Variants in SORCS1 observed in about 807,000 individuals in gnomAD.
The protein encoded by SORCS1 is sortilin related VPS10 domain containing receptor 1.
In SORCS1, 60 loss-of-function variants were observed where a neutral mutation model predicts 146.1. The ratio of observed to expected loss-of-function variants is 0.41; its 90% confidence interval spans 0.33 to 0.51. The LOEUF is 0.51. Among genes scored for constraint, SORCS1 ranks in the 20% least tolerant of loss-of-function variants. The pLI, the probability that SORCS1 is intolerant of heterozygous loss-of-function variation, is 0.21. For synonymous variants in SORCS1, 637 were observed against 584.0 expected, an observed-to-expected ratio of 1.09 and a Z score of -1.31; for missense variants, 1,352 against 1,487.6, an observed-to-expected ratio of 0.91 and a Z score of 1.50.
At chr10:106,932,159 C>T (rs183237963) in intron 2 of SORCS1, among the ~76,000 whole-genome samples, 1 of 152,218 alleles carries the variant, frequency 6.6e-6, no homozygotes, top group Admixed American at 6.5e-5. Context: ...TTTTTATCCC[C>T]TTCCATACAC....
At chr10:107,107,587 A>C (rs1461089115) in intron 1 of SORCS1, among the ~76,000 whole-genome samples, 1 of 152,206 alleles carries the variant, frequency 6.6e-6, no homozygotes, top group African/African-American at 2.4e-5. Flanking sequence ...GTGGAATAAG[A>C]GCTCACCTAA....
Position 106,769,866 on chromosome 10 carries a change from G to A in SORCS1, c.885+6668C>T, listed in dbSNP as rs545739151. ...TCCCAGCACTTTCAGAGGCCGAGGC[G>A]GATCACTTGAGGCCAGGAGTTCGAG... On this transcript the variant is annotated intron_variant, in intron 4 of 25. Transcript: ENST00000263054. 8.5e-5 allele frequency among the ~76,000 whole-genome samples: 13 copies of A among 152,190 alleles called. No homozygotes were observed. In the East Asian group the frequency reaches 1.9e-3, roughly 23 times the overall value.
rs180959117 is a variant in SORCS1, at chr10:107,129,989, T to G, written c.558+33980A>C. On this transcript the variant is annotated intron_variant, in intron 1 of 25. Coordinates refer to ENST00000263054, the MANE Select transcript of SORCS1 (RefSeq NM_052918.5). ...TACAGAGGATCCACCTCATCTAACT[T>G]GAGCAGACTTGATAATGTCTTCAAT... Among the ~76,000 whole-genome samples the G allele has an allele frequency of 2.8e-3, 419 of 152,360 alleles. 4 individuals carry two copies. The highest frequency in any genetic ancestry group is 0.024 in the Admixed American group (371 of 15,310).
intron 22 of SORCS1, among the ~76,000 whole-genome samples, chr10:106,611,622 G>A (rs893456861): frequency 6.6e-6 from 1 of 152,164 alleles, no homozygotes; most frequent in African/African-American, 2.4e-5. Flanking sequence ...TGTGGACAAA[G>A]GAGTTTAGGA....
chr10:106,784,646 A>T (rs759026053), intron 3 of SORCS1, among the ~76,000 whole-genome samples: 12 of 152,212 alleles, frequency 7.9e-5, no homozygotes, highest in Non-Finnish European at 1.6e-4. Context: ...AAAAGGTTAC[A>T]TCATTTTAAA....
At chr10:106,723,252 A>G (rs968068979) in intron 6 of SORCS1, among the ~76,000 whole-genome samples, 4 of 152,228 alleles carry the variant, frequency 2.6e-5, no homozygotes, top group Non-Finnish European at 4.4e-5. Flanking sequence ...CTTTTCACAC[A>G]GCTTTCAATC....
chr10:106,731,309 A>G (rs563952550), intron 5 of SORCS1, among the ~76,000 whole-genome samples: 1 of 150,970 alleles, frequency 6.6e-6, no homozygotes, highest in Non-Finnish European at 1.5e-5. Flanking sequence ...AAAAAAAAAA[A>G]AAAAAAAAAA....
chr10:107,110,461 A>G (rs1965617823), intron 1 of SORCS1, among the ~76,000 whole-genome samples: 1 of 152,134 alleles, frequency 6.6e-6, no homozygotes, highest in South Asian at 2.1e-4. Flanking sequence ...AAGGGGGAAT[A>G]GGCATGTCAC....
intron 1 of SORCS1, among the ~76,000 whole-genome samples, chr10:107,062,371 A>C (rs999609353): frequency 1.1e-4 from 16 of 152,046 alleles, no homozygotes; most frequent in Non-Finnish European, 1.6e-4. Flanking sequence ...CAGAGGAATG[A>C]GGTGGATGAA....
At chr10:106,992,826 CTTTTTTTTTTT>C (rs36052970) in intron 1 of SORCS1, among the ~76,000 whole-genome samples, 2 of 57,086 alleles carry the variant, frequency 3.5e-5, no homozygotes, top group Non-Finnish European at 6.0e-5. Context: ...TTCTTTCTTT[CTTTTTTTTTTT>C]TTTTTTTTTT....
At chr10:106,941,375 G>T (rs962205982) in intron 2 of SORCS1, among the ~76,000 whole-genome samples, 2 of 151,838 alleles carry the variant, frequency 1.3e-5, no homozygotes. Flanking sequence ...TACTTTTTCT[G>T]ATGAGGAAAT....
rs1056569344 is a variant in SORCS1, at chr10:106,600,396, G to A, written c.3166-2946C>T. ...ATTCAACAATGAACACATGCTTTGT[G>A]AGAAAAAATTTGCATAAGAAAACAA... On this transcript the variant is annotated intron_variant, in intron 23 of 25. Coordinates refer to ENST00000263054, the MANE Select transcript of SORCS1 (RefSeq NM_052918.5). The A allele has an allele frequency of 1.1e-5, 11 of 978,956 alleles. No homozygotes were observed. The African/African-American group carries it at 1.9e-4, about 17-fold the overall frequency. 60.6% of individuals were successfully genotyped at this position (978,956 alleles called of 1,614,324 possible).
chr10:106,993,875 C>T (rs12569497), intron 1 of SORCS1, among the ~76,000 whole-genome samples: 33,736 of 151,582 alleles, frequency 0.22, 4,537 homozygotes, highest in Middle Eastern at 0.34. Flanking sequence ...GAGTTTGAGA[C>T]CGGCCTGGGC....
At chr10:106,981,893 TC>T (rs1956259284) in intron 1 of SORCS1, among the ~76,000 whole-genome samples, 1 of 152,174 alleles carries the variant, frequency 6.6e-6, no homozygotes, top group Non-Finnish European at 1.5e-5. Flanking sequence ...TCTTCATGGA[TC>T]TCCTAAGAGA....
intron 18 of SORCS1, among the ~76,000 whole-genome samples, chr10:106,630,405 T>C (rs1007427185): frequency 8.5e-5 from 13 of 152,184 alleles, no homozygotes; most frequent in Admixed American, 5.9e-4. Flanking sequence ...TCAAAAAAGA[T>C]GTCATCACTT....
chr10:107,085,347 TA>T (rs1239152442), intron 1 of SORCS1, among the ~76,000 whole-genome samples: 1 of 152,226 alleles, frequency 6.6e-6, no homozygotes, highest in Non-Finnish European at 1.5e-5. Context: ...TCTACTGACT[TA>T]ACATGGCTCT....
chr10:106,767,403 T>C (rs1227169517), intron 4 of SORCS1, among the ~76,000 whole-genome samples: 1 of 152,194 alleles, frequency 6.6e-6, no homozygotes, highest in African/African-American at 2.4e-5. Context: ...GAGTTTGATT[T>C]GTGAACACCT....
intron 1 of SORCS1, among the ~76,000 whole-genome samples, chr10:107,027,035 A>ATAT (rs1564943007): frequency 1.6e-5 from 1 of 63,862 alleles, no homozygotes; most frequent in African/African-American, 5.4e-5. Context: ...TATATATATA[A>ATAT]AAATATATAT....
intron 2 of SORCS1, among the ~76,000 whole-genome samples, chr10:106,941,882 A>G (rs909383878): frequency 1.3e-5 from 2 of 152,204 alleles, no homozygotes; most frequent in Non-Finnish European, 2.9e-5. Context: ...TGTAAGTCTT[A>G]GTTCTGGGAA....
Sources: gnomAD v4.1 joint callset for allele counts (sites outside exome capture counted in the v4.1 genomes callset) on GRCh38, gnomAD v4.1.1 for gene constraint, MANE v1.5 for transcripts, NCBI Gene and HGNC (gene_info 2026-07-23, HGNC 2026-07-21) for gene names.